The following GBX2 variants were observed in gnomAD, a reference collection of about 807,000 sequenced individuals.
GBX2 encodes the protein gastrulation brain homeobox 2, also known as homeobox protein GBX-2.
GBX2 carries 5 observed loss-of-function variants against 22.4 expected under a neutral mutation model. The observed-to-expected ratio is 0.22, with a 90% CI of 0.12 to 0.47. The LOEUF is 0.47. Ranked by LOEUF, GBX2 falls within the 20% of genes least tolerant of loss-of-function variation. GBX2 has a pLI of 0.99. For synonymous variants in GBX2, 220 were observed against 230.5 expected, an observed-to-expected ratio of 0.95 and a Z score of 0.41; for missense variants, 470 against 495.4, an observed-to-expected ratio of 0.95 and a Z score of 0.49.
At chr2:236,167,145 C>T (rs895311047) in intron 1 of GBX2, 1 of 1,535,486 alleles carries the variant, frequency 6.5e-7, no homozygotes, top group African/African-American at 1.4e-5. Flanking sequence ...TACCCGGAAC[C>T]CCAGGTCACC....
chr2:236,163,950 G>A (rs2060224256), downstream of GBX2, among the ~76,000 whole-genome samples: 2 of 152,110 alleles, frequency 1.3e-5, no homozygotes, highest in African/African-American at 4.8e-5. Flanking sequence ...GCGCCCCGCA[G>A]AGCCGGCCGA....
downstream of GBX2, among the ~76,000 whole-genome samples, chr2:236,163,482 G>A (rs1299985329): frequency 6.6e-6 from 1 of 152,210 alleles, no homozygotes; most frequent in Non-Finnish European, 1.5e-5. Context: ...TCAAAGCTTC[G>A]GGTCCCTCTG....
In GBX2 at chr2:236,166,450, C is replaced by G. The variant is rs772209774; in HGVS notation, c.524-13G>C. The G allele has an allele frequency of 7.1e-5, 114 of 1,600,166 alleles. No homozygotes were observed. The highest frequency in any genetic ancestry group is 9.6e-5 in the Non-Finnish European group (112 of 1,170,208). On this transcript the variant is annotated splice_polypyrimidine_tract_variant and intron_variant, in intron 1 of 1. Coordinates refer to ENST00000306318, the MANE Select transcript of GBX2 (RefSeq NM_001485.4). The surrounding 1 kb of genome is among the most constrained non-coding windows in gnomAD (Gnocchi z 6.6). ...CGGACAGCCCCGACTGAAAGCAAAA[C>G]CAAACGGCATTTTATTACATTTCGC...
At chr2:236,163,904 T>C (rs1274648289), downstream of GBX2, among the ~76,000 whole-genome samples, 1 of 152,042 alleles carries the variant, frequency 6.6e-6, no homozygotes, top group African/African-American at 2.4e-5. Flanking sequence ...TTCATGGCGC[T>C]GGGCGGGGCG....
chr2:236,163,932 G>C (rs1032163049), downstream of GBX2, among the ~76,000 whole-genome samples: 1 of 151,994 alleles, frequency 6.6e-6, no homozygotes, highest in Non-Finnish European at 1.5e-5. Flanking sequence ...GAGCCTCTGC[G>C]GCTCTCGGCG....
chr2:236,161,530 T>A (rs1331191301), downstream of GBX2, among the ~76,000 whole-genome samples: 1 of 152,212 alleles, frequency 6.6e-6, no homozygotes, highest in Non-Finnish European at 1.5e-5. Context: ...TCCCTTCGTC[T>A]GGGCTGTCCC....
At chr2:236,162,735 G>A (rs1233779251), downstream of GBX2, among the ~76,000 whole-genome samples, 1 of 152,192 alleles carries the variant, frequency 6.6e-6, no homozygotes, top group Non-Finnish European at 1.5e-5. Context: ...GAGCTCCCAA[G>A]TGTAATTATT....
At chr2:236,167,404 C>A in intron 1 of GBX2, 45 bp downstream of exon 1, 1 of 1,430,582 alleles carries the variant, frequency 7.0e-7, no homozygotes, top group Middle Eastern at 2.5e-4. Flanking sequence ...CCCGCCCCCG[C>A]CTCCTCCCGC....
Position 236,165,892 on chromosome 2 carries a change from A to G in GBX2, c.*22T>C, listed in dbSNP as rs1048039731. On this transcript the variant is annotated 3_prime_UTR_variant, in exon 2 of 2. Coordinates refer to ENST00000306318, the MANE Select transcript of GBX2 (RefSeq NM_001485.4). ...GCGGGGGCTTCTCCAGGTGGGTGCCAGGCCCTGGCCCTTCTGGACCCTCAG... is the reference window on the plus strand; with the variant it reads ...GCGGGGGCTTCTCCAGGTGGGTGCCGGGCCCTGGCCCTTCTGGACCCTCAG... 2 of 1,575,384 alleles carry G rather than the reference A, an allele frequency of 1.3e-6. No homozygotes were observed. Among genetic ancestry groups the G allele is most frequent in the African/African-American group, 2.7e-5 (2 of 72,830 alleles).
At chr2:236,161,379 A>G (rs1329631157), downstream of GBX2, among the ~76,000 whole-genome samples, 3 of 152,240 alleles carry the variant, frequency 2.0e-5, no homozygotes, top group Admixed American at 2.0e-4. Context: ...GGTTGTCTAC[A>G]TACATATGGT....
At position 236,167,507 on chromosome 2, in the gene GBX2, C is replaced by A; in HGVS notation, c.465G>T (p.Leu155=). The A allele has an allele frequency of 6.3e-7, 1 of 1,594,160 alleles. No homozygotes were observed. Among genetic ancestry groups the A allele is most frequent in the Non-Finnish European group, 8.5e-7 (1 of 1,174,422 alleles). The part of the protein sequence containing the change: ...QADAEDGKGF[L]AKEGSLLAFS... ...AGGCGAGCAGCGAGCCCTCTTTGGC[C>A]AGGAAGCCTTTGCCGTCCTCCGCGT... The change falls in exon 1 of 2, where the codon CTG becomes CTT. Residue 155 remains leucine (L), a synonymous_variant. Coordinates refer to ENST00000306318, the MANE Select transcript of GBX2 (RefSeq NM_001485.4).
At chr2:236,167,304 C>A in intron 1 of GBX2, 145 bp downstream of exon 1, 1 of 1,392,540 alleles carries the variant, frequency 7.2e-7, no homozygotes, top group Non-Finnish European at 9.8e-7. Context: ...CCCAGCGGCA[C>A]AGCCGGGCCT....
chr2:236,167,353 C>T (rs1271439215), intron 1 of GBX2, 96 bp downstream of exon 1: 2 of 1,374,946 alleles, frequency 1.5e-6, no homozygotes, highest in East Asian at 2.6e-5. Flanking sequence ...AGCGGGGGCG[C>T]GGCCTCGCCC....
At chr2:236,163,392 A>T (rs1235086891), downstream of GBX2, among the ~76,000 whole-genome samples, 1 of 152,030 alleles carries the variant, frequency 6.6e-6, no homozygotes, top group East Asian at 1.9e-4. Flanking sequence ...GAGGGCCCGG[A>T]GCTCGGTCCC....
downstream of GBX2, among the ~76,000 whole-genome samples, chr2:236,163,215 G>A (rs762502102): frequency 2.6e-4 from 40 of 152,194 alleles, no homozygotes; most frequent in Admixed American, 5.9e-4. Flanking sequence ...CCTGTCTCCC[G>A]GGCCTTGGCC....
downstream of GBX2, among the ~76,000 whole-genome samples, chr2:236,161,880 A>G (rs2060215353): frequency 1.3e-5 from 2 of 152,222 alleles, no homozygotes; most frequent in African/African-American, 4.8e-5. Context: ...ACTTGGGACT[A>G]GGAAGGCCCC....
chr2:236,166,296 T>G lies in GBX2; in HGVS notation c.665A>C (p.Glu222Ala), dbSNP rs143663937. Residue 222 changes from glutamate (E) to alanine (A), a missense_variant, in exon 2 of 2, where the codon GAA becomes GCA. By Grantham distance (107) the Glu-to-Ala change is moderately radical. This residue lies in a region of GBX2 where 377 missense variants were observed against 358.6 expected (regional missense o/e 1.05). Transcript: ENST00000306318. The surrounding 1 kb of genome is among the most constrained non-coding windows in gnomAD (Gnocchi z 6.6). The stretch of plus-strand genomic sequence containing the variant: ...CTCCTCCAGCGCGTGGCCCGGGTCT[T>G]CCTCCTTGTGAGCTGCCTGGCCAGT... Reference protein sequence around the residue: ...NLTGQAAHKEEDPGHALEETP... With the variant: ...NLTGQAAHKEADPGHALEETP... The G allele has an allele frequency of 1.9e-6, 3 of 1,613,830 alleles. No individual in the cohort carries two copies. Among genetic ancestry groups the G allele is most frequent in the African/African-American group, 1.3e-5 (1 of 75,038 alleles).
downstream of GBX2, among the ~76,000 whole-genome samples, chr2:236,161,774 C>T (rs1276193009): frequency 6.6e-6 from 1 of 152,230 alleles, no homozygotes; most frequent in Non-Finnish European, 1.5e-5. Flanking sequence ...ATAAGCGAGC[C>T]ACTCTGCCAC....
rs1396849040 is a variant in GBX2 at position 236,167,742 on chromosome 2, G to C, written c.230C>G (p.Ala77Gly). 3 of 1,496,244 alleles carry C rather than the reference G, an allele frequency of 2.0e-6. No homozygotes were observed. In the Admixed American group the frequency reaches 7.1e-5, roughly 36 times the overall value. The allele number at this position is 1,496,244 out of a possible 1,614,324, so 92.7% of individuals were successfully genotyped here. ...GCTGGGGATCTGGTGGTGAGGGTGT[G>C]CGGGCGGCAGCGCTGGCTGCAGCGC... ...QAALQPALPPAHPHHQIPSLP... is the reference protein window; with the variant it reads ...QAALQPALPPGHPHHQIPSLP... The change falls in exon 1 of 2, where the codon GCA (alanine) becomes GGA (glycine). Residue 77 changes from alanine to glycine, a missense_variant. By Grantham distance (60) the Ala-to-Gly change is moderately conservative. Transcript: ENST00000306318.
Sources: allele counts gnomAD v4.1 joint callset (sites outside exome capture counted in the v4.1 genomes callset), GRCh38; gene constraint gnomAD v4.1.1; regional missense constraint gnomAD v4.1.1; non-coding constraint Gnocchi (gnomAD v3.1); transcripts MANE v1.5; gene names NCBI Gene and HGNC (gene_info 2026-07-23, HGNC 2026-07-21).